ATRX: variants seen among roughly 807,000 people sequenced by gnomAD.
ATRX encodes the protein chromatin remodeler ATRX.
Under a neutral mutation model 172.6 loss-of-function variants are expected in ATRX, and 12 were observed. The ratio of observed to expected loss-of-function variants is 0.07; its 90% CI spans 0.04 to 0.11. The LOEUF (loss-of-function observed/expected upper bound fraction) is 0.11, where lower values mean the gene tolerates loss of function less well. Among genes scored for constraint, ATRX ranks in the 10% least tolerant of loss-of-function variants. ATRX has a pLI of 1.00. For synonymous variants in ATRX, 674 were observed against 594.7 expected (o/e 1.13, Z -1.94); for missense variants, 1,368 against 1,767.4 (o/e 0.77, Z 4.05).
In ATRX at chrX:77,652,132, C is replaced by T; in HGVS notation, c.4539G>A (p.Glu1513=). The T allele has an allele frequency of 8.3e-7, 1 of 1,211,184 alleles. No individual in the cohort carries two copies. The highest frequency in any genetic ancestry group is 1.1e-6 in the Non-Finnish European group (1 of 895,341). The change falls in exon 15 of 35, where the codon GAG becomes GAA. Residue 1513 remains glutamate, a synonymous_variant. Transcript: ENST00000373344. ...RRKRIAERER[E]REKLREVIEI... is the part of the protein sequence containing the mutation. Reference sequence around the variant, plus strand: ...TAGTTACCTCTCTCAATTTTTCTCGCTCACGCTCCCTCTCAGCAATACGTT... The same window carrying T: ...TAGTTACCTCTCTCAATTTTTCTCGTTCACGCTCCCTCTCAGCAATACGTT...
chrX:77,630,095 T>C (rs973027998), intron 19 of ATRX, among the ~76,000 whole-genome samples: 1 of 111,518 alleles, frequency 9.0e-6, no homozygotes. Context: ...CAAAGAATTA[T>C]CTGAAAATAA....
At chrX:77,588,218 T>G (rs2066104278) in intron 27 of ATRX, among the ~76,000 whole-genome samples, 1 of 112,004 alleles carries the variant, frequency 8.9e-6, no homozygotes, top group African/African-American at 3.2e-5. Context: ...GACAAATGGA[T>G]AACCACAGCA....
In ATRX at chrX:77,684,866, C is replaced by G. The variant is rs45504192; in HGVS notation, c.662+73G>C. 11 of 956,791 alleles carry G rather than the reference C, an allele frequency of 1.1e-5. No individual in the cohort carries two copies. In the African/African-American group the frequency reaches 2.1e-4, roughly 18 times the overall value. The allele number at this position is 956,791 out of a possible 1,213,427, so 78.9% of individuals were successfully genotyped here. On this transcript the variant is annotated intron_variant, in intron 8 of 34. Transcript: ENST00000373344. Reference sequence around the variant, plus strand: ...AATGACGATACTATGAAAGACAAACCTCATAAATGATTATGTAACAATTCC... The same window carrying G: ...AATGACGATACTATGAAAGACAAACGTCATAAATGATTATGTAACAATTCC...
At chrX:77,770,664 CAAAG>C (rs1205777698) in intron 1 of ATRX, among the ~76,000 whole-genome samples, 1 of 112,101 alleles carries the variant, frequency 8.9e-6, no homozygotes, top group African/African-American at 3.2e-5. Context: ...TCAGGACAGA[CAAAG>C]AGAGGCCACA....
chrX:77,544,663 C>A (rs1359726190), intron 30 of ATRX, among the ~76,000 whole-genome samples: 2 of 106,488 alleles, frequency 1.9e-5, no homozygotes, highest in Non-Finnish European at 3.9e-5. Context: ...TGAGAATATG[C>A]GGTGTCTGGT....
At chrX:77,632,520 A>G (rs1419414665) in intron 19 of ATRX, among the ~76,000 whole-genome samples, 1 of 112,139 alleles carries the variant, frequency 8.9e-6, no homozygotes, top group Non-Finnish European at 1.9e-5. Flanking sequence ...AAAGCCAAGG[A>G]TTCTAAAGAT....
intron 2 of ATRX, among the ~76,000 whole-genome samples, chrX:77,713,978 T>C (rs1025361527): frequency 9.0e-6 from 1 of 111,400 alleles, no homozygotes; most frequent in Non-Finnish European, 1.9e-5. Context: ...TCTAATCACA[T>C]GAATCCTTAA....
At chrX:77,630,343 T>TA (rs1352493018) in intron 19 of ATRX, among the ~76,000 whole-genome samples, 1 of 111,917 alleles carries the variant, frequency 8.9e-6, no homozygotes, top group Non-Finnish European at 1.9e-5. Context: ...TTCAATGCAA[T>TA]ATCTAACAGA....
Position 77,786,019 on chromosome X carries a change from T to A in ATRX, c.-18A>T. The A allele has an allele frequency of 8.4e-7, 1 of 1,190,757 alleles. No individual in the cohort carries two copies. Reference sequence around the variant, plus strand: ...GCGGTCATGTTTTCGCTTGAACGCCTTGTCGGCTTCTGTGATTGCTGGGCG... The same window carrying A: ...GCGGTCATGTTTTCGCTTGAACGCCATGTCGGCTTCTGTGATTGCTGGGCG... On this transcript the variant is annotated 5_prime_UTR_variant, in exon 1 of 35. It adds an upstream start codon to the 5' untranslated region. Transcript: ENST00000373344.
chrX:77,521,593 G>A, intron 32 of ATRX, 95 bp from the exon 33 acceptor site: 1 of 628,787 alleles, frequency 1.6e-6, no homozygotes. Context: ...AGAGCAGTCG[G>A]TTTTAAAACT....
intron 34 of ATRX, among the ~76,000 whole-genome samples, chrX:77,512,073 A>G (rs1475955168): frequency 8.9e-6 from 1 of 112,116 alleles, no homozygotes; most frequent in African/African-American, 3.2e-5. Context: ...TACTAAATGC[A>G]GCAAGAGAAA....
rs2062712699 is a variant in ATRX, at chrX:77,506,660, A to C, written c.*1691T>G. The C allele has an allele frequency of 5.8e-6, 1 of 173,289 alleles. No individual in the cohort carries two copies. Among genetic ancestry groups the C allele is most frequent in the Non-Finnish European group, 1.1e-5 (1 of 91,099 alleles). The allele number at this position is 173,289 out of a possible 1,213,427, so 14.3% of individuals were successfully genotyped here. On this transcript the variant is annotated 3_prime_UTR_variant, in exon 35 of 35. Transcript: ENST00000373344. ...GATTACATGGCTAGCATAATATCTA[A>C]ATATACAGGATTTATTAGTGATATT... is the stretch of plus-strand genomic sequence containing the variant.
At chrX:77,532,203 T>C (rs2063601040) in intron 30 of ATRX, among the ~76,000 whole-genome samples, 1 of 111,040 alleles carries the variant, frequency 9.0e-6, no homozygotes, top group Non-Finnish European at 1.9e-5. Flanking sequence ...AAAACGGCCA[T>C]ACTTCCCAAA....
chrX:77,649,853 T>G (rs782564231), intron 15 of ATRX, among the ~76,000 whole-genome samples: 1 of 112,202 alleles, frequency 8.9e-6, no homozygotes, highest in South Asian at 3.7e-4. Context: ...CAGTCTTGGG[T>G]ATGTCTTTAT....
In ATRX at chrX:77,616,622, G is replaced by A. The variant is rs895159127; in HGVS notation, c.5557C>T (p.His1853Tyr). 15 of 1,183,524 alleles carry A rather than the reference G, an allele frequency of 1.3e-5. No homozygotes were observed. Among genetic ancestry groups the A allele is most frequent in the Non-Finnish European group, 1.7e-5 (15 of 871,173 alleles). The change falls in exon 22 of 35, where the codon CAC becomes TAC. Residue 1853 changes from histidine (H) to tyrosine (Y), a missense_variant. Physicochemically the swap from His to Tyr is moderately conservative, Grantham distance 83. Coordinates refer to ENST00000373344, the MANE Select transcript of ATRX (RefSeq NM_000489.6). ...AAGGTGTATTGTTTACCTGTTAAGT[G>A]ATCTAAGTAGTACTGATAGAGCTTG... ...QCKLYQYYLD[H>Y]LTGVGNNSEG...
chrX:77,685,536 TA>T (rs1489305298), intron 7 of ATRX, among the ~76,000 whole-genome samples: 7 of 111,803 alleles, frequency 6.3e-5, no homozygotes, highest in Non-Finnish European at 1.3e-4. Flanking sequence ...AGACAGGCAA[TA>T]ACAAATGCTG....
chrX:77,672,126 G>GA (rs782817993), intron 10 of ATRX, among the ~76,000 whole-genome samples: 5 of 110,276 alleles, frequency 4.5e-5, no homozygotes, highest in Non-Finnish European at 9.5e-5. Flanking sequence ...TACTCAAATG[G>GA]AAAAACAAGT....
At chrX:77,636,551 C>A (rs186971957) in intron 15 of ATRX, among the ~76,000 whole-genome samples, 1 of 111,020 alleles carries the variant, frequency 9.0e-6, no homozygotes, top group African/African-American at 3.3e-5. Context: ...ATTACCCAAT[C>A]TCAGAACTAA....
chrX:77,524,120 T>G (rs1439199516), intron 30 of ATRX, among the ~76,000 whole-genome samples: 3 of 111,874 alleles, frequency 2.7e-5, no homozygotes, highest in Non-Finnish European at 5.6e-5. Context: ...AAACTCCTGC[T>G]CTGTTTAATT....
Sources: allele counts gnomAD v4.1 joint callset (sites outside exome capture counted in the v4.1 genomes callset), GRCh38; gene constraint gnomAD v4.1.1; transcripts MANE v1.5; gene names NCBI Gene and HGNC (gene_info 2026-07-23, HGNC 2026-07-21).